Variants in SH3GLB2 observed in about 807,000 individuals in gnomAD.
The protein encoded by SH3GLB2 is endophilin-B2.
Under a neutral mutation model 48.0 loss-of-function variants are expected in SH3GLB2, and 24 were observed. The ratio of observed to expected loss-of-function variants is 0.50; its 90% confidence interval spans 0.36 to 0.70. The LOEUF is 0.70. SH3GLB2 is among the 30% of genes least tolerant of loss of function. The pLI is 0.00. For missense variants in SH3GLB2, 425 were observed against 516.0 expected (o/e 0.82, Z 1.71); for synonymous variants, 227 against 207.6 (o/e 1.09, Z -0.80).
rs59094552 is a variant in SH3GLB2 at position 129,014,620 on chromosome 9, G to C, written c.469-117C>G. 6.7e-7 allele frequency: 1 copy of C among 1,484,110 alleles called. No individual in the cohort carries two copies. The highest frequency in any genetic ancestry group is 1.4e-5 in the African/African-American group (1 of 71,714). 91.9% of individuals were successfully genotyped at this position (1,484,110 alleles called of 1,614,324 possible). ...GTCAAGATAGGGAAACTGAGGCCCAGAGATAGGAGGTCACTCAGTCCAAAG... is the reference window on the plus strand; with the variant it reads ...GTCAAGATAGGGAAACTGAGGCCCACAGATAGGAGGTCACTCAGTCCAAAG... On this transcript the variant is annotated intron_variant, in intron 4 of 10. Transcript: ENST00000372564. This position sits in a 1 kb window ranked among gnomAD's most constrained non-coding sequence, Gnocchi z 4.1.
In SH3GLB2 at chr9:129,014,743, G is replaced by C. The variant is rs746464069; in HGVS notation, c.468+28C>G. 1 of 1,602,934 alleles carries C rather than the reference G, an allele frequency of 6.2e-7. No homozygotes were observed. The highest frequency in any genetic ancestry group is 8.5e-7 in the Non-Finnish European group (1 of 1,175,254). ...GAGGAGGGAACTGCCATGGTTACCA[G>C]GAAGCGGAATAGTCCCAGGGCCCTC... is the stretch of plus-strand genomic sequence containing the variant. On this transcript the variant is annotated intron_variant, in intron 4 of 10. Coordinates refer to ENST00000372564, the MANE Select transcript of SH3GLB2 (RefSeq NM_020145.4). This position sits in a 1 kb window ranked among gnomAD's most constrained non-coding sequence, Gnocchi z 4.1.
In SH3GLB2 at chr9:129,028,128, C is replaced by T. The variant is rs761709574; in HGVS notation, c.27G>A (p.Ala9=). Residue 9 remains alanine, a synonymous_variant, in exon 1 of 11, where the codon GCG becomes GCA. Coordinates refer to ENST00000372564, the MANE Select transcript of SH3GLB2 (RefSeq NM_020145.4). MDFNMKKL[A]SDAGIFFTRA... ...GGGTGAAGAAGATGCCCGCGTCCGA[C>T]GCCAGCTTCTTCATGTTGAAGTCCA... 12 of 1,496,596 alleles carry T rather than the reference C, an allele frequency of 8.0e-6. No homozygotes were observed. Among genetic ancestry groups the T allele is most frequent in the African/African-American group, 1.5e-5 (1 of 68,330 alleles). 92.7% of individuals were successfully genotyped at this position (1,496,596 alleles called of 1,614,324 possible). A position where few individuals can be genotyped will look rare whatever the true frequency, so the allele number is the denominator to read the frequency against.
chr9:129,014,928 G>A lies in SH3GLB2; in HGVS notation c.335-24C>T, dbSNP rs1271694840. 1.9e-6 allele frequency: 3 copies of A among 1,607,486 alleles called. No individual in the cohort carries two copies. In the African/African-American group the frequency reaches 4.0e-5, roughly 22 times the overall value. On this transcript the variant is annotated intron_variant, in intron 3 of 10. Transcript: ENST00000372564. The surrounding 1 kb of genome is among the most constrained non-coding windows in gnomAD (Gnocchi z 4.1). ...CCCTGAGAAAACAGAGTTGAAGCGT[G>A]AGGAAGAAGGTCAGGCTCAGGCTAC...
chr9:129,016,561 G>A (rs1182553356), intron 3 of SH3GLB2, among the ~76,000 whole-genome samples: 1 of 151,734 alleles, frequency 6.6e-6, no homozygotes, highest in East Asian at 1.9e-4. Context: ...AGGAGGCTGA[G>A]GTAGGATAAT....
chr9:129,014,463 T>A lies in SH3GLB2; in HGVS notation c.509A>T (p.Asp170Val). 1 of 1,550,860 alleles carries A rather than the reference T, an allele frequency of 6.4e-7. No homozygotes were observed. Among genetic ancestry groups the A allele is most frequent in the Non-Finnish European group, 8.7e-7 (1 of 1,147,094 alleles). Reference protein sequence around the residue: ...RLLQNRRLDLDACKARLKKAK... With the variant: ...RLLQNRRLDLVACKARLKKAK... ...CTTCTTCAGCCTCGCTTTGCAGGCA[T>A]CCAAGTCCAGACGCCGGTTTTGGAG... Residue 170 changes from aspartate (D) to valine (V), a missense_variant, in exon 5 of 11, where the codon GAT (aspartate) becomes GTT (valine). Transcript: ENST00000372564. This position sits in a 1 kb window ranked among gnomAD's most constrained non-coding sequence, Gnocchi z 4.1.
At position 129,014,346 on chromosome 9, in the gene SH3GLB2, G is replaced by T; in HGVS notation, c.561+65C>A. ...CATGCCAAATACCAGGTCCCTTCATGCCACCACCCCTTGGCTCCAGCCAGA... is the reference window on the plus strand; with the variant it reads ...CATGCCAAATACCAGGTCCCTTCATTCCACCACCCCTTGGCTCCAGCCAGA... On this transcript the variant is annotated intron_variant, in intron 5 of 10. Coordinates refer to ENST00000372564, the MANE Select transcript of SH3GLB2 (RefSeq NM_020145.4). The surrounding 1 kb of genome is among the most constrained non-coding windows in gnomAD (Gnocchi z 4.1). 1 of 1,453,832 alleles carries T rather than the reference G, an allele frequency of 6.9e-7. No individual in the cohort carries two copies. The highest frequency in any genetic ancestry group is 9.4e-7 in the Non-Finnish European group (1 of 1,064,756). 90.1% of individuals were successfully genotyped at this position (1,453,832 alleles called of 1,614,324 possible). A position where few individuals can be genotyped will look rare whatever the true frequency, so the allele number is the denominator to read the frequency against.
intron 3 of SH3GLB2, among the ~76,000 whole-genome samples, chr9:129,019,414 A>ATT (rs1843640530): frequency 6.6e-6 from 1 of 151,208 alleles, no homozygotes; most frequent in East Asian, 1.9e-4. Flanking sequence ...AATAAAAAAT[A>ATT]AATAAGTTTG....
At position 129,012,841 on chromosome 9, in the gene SH3GLB2, G is replaced by A. The variant is rs936339270; in HGVS notation, c.562-543C>T. The A allele has an allele frequency of 2.2e-5, 17 of 761,270 alleles. No homozygotes were observed. The South Asian group carries it at 2.3e-4, about 10-fold the overall frequency. 47.2% of individuals were successfully genotyped at this position (761,270 alleles called of 1,614,324 possible). On this transcript the variant is annotated intron_variant, in intron 5 of 10. Transcript: ENST00000372564. ...AAAAAGCTGACTCACAGGCCCCAAC[G>A]CCTGGCATCCCCCCCTAAACCAGAG...
At chr9:129,024,667 A>G (rs1844034112) in intron 1 of SH3GLB2, among the ~76,000 whole-genome samples, 1 of 151,674 alleles carries the variant, frequency 6.6e-6, no homozygotes. Flanking sequence ...AGCCAATATC[A>G]TGTCACTGCA....
At chr9:129,015,734 T>C in intron 3 of SH3GLB2, 1 of 199,748 alleles carries the variant, frequency 5.0e-6, no homozygotes, top group Non-Finnish European at 1.1e-5. Flanking sequence ...GCGCGCTGGC[T>C]CACACCTGTA....
At chr9:129,023,787 G>C (rs1843964956) in intron 1 of SH3GLB2, among the ~76,000 whole-genome samples, 1 of 152,156 alleles carries the variant, frequency 6.6e-6, no homozygotes, top group Admixed American at 6.5e-5. Flanking sequence ...CCAGGGGTAT[G>C]GCCTCAGCTC....
intron 1 of SH3GLB2, among the ~76,000 whole-genome samples, chr9:129,025,611 G>GAGGGAGGAAGGAAGGAAGGAAGGAAGGA (rs1844108152): frequency 8.3e-6 from 1 of 120,036 alleles, no homozygotes; most frequent in African/African-American, 3.4e-5. Context: ...GGGACTAAGG[G>GAGGGAGGAAGGAAGGAAGGAAGGAAGGA]AGGAAGGAAG....
At chr9:129,010,974 T>C (rs1198512695) in intron 6 of SH3GLB2, 1 of 507,898 alleles carries the variant, frequency 2.0e-6, no homozygotes, top group African/African-American at 1.9e-5. Context: ...GAGTGGGGTC[T>C]CAAGAGAGAC....
chr9:129,015,006 G>A, intron 3 of SH3GLB2, 102 bp from the exon 4 acceptor site: 1 of 1,462,742 alleles, frequency 6.8e-7, no homozygotes, highest in Admixed American at 2.1e-5. Flanking sequence ...CAAGGGCCGG[G>A]GTGCTCAGTG....
chr9:129,023,220 G>T (rs1397595387), intron 1 of SH3GLB2, among the ~76,000 whole-genome samples: 2 of 152,290 alleles, frequency 1.3e-5, no homozygotes, highest in East Asian at 3.9e-4. Context: ...TGGCCACCTG[G>T]TAGGGTAGAT....
chr9:129,028,196 G>C lies in SH3GLB2; in HGVS notation c.-42C>G. On this transcript the variant is annotated 5_prime_UTR_variant, in exon 1 of 11. Transcript: ENST00000372564. ...CGCCGCGCACGGCCCGAGCGCAGCC[G>C]GCAGCCCCCGGCCCAGCCGCCGCCG... is the stretch of plus-strand genomic sequence containing the variant. The C allele has an allele frequency of 8.1e-7, 1 of 1,239,250 alleles. No individual in the cohort carries two copies. The highest frequency in any genetic ancestry group is 1.0e-6 in the Non-Finnish European group (1 of 988,230). 76.8% of individuals were successfully genotyped at this position (1,239,250 alleles called of 1,614,324 possible).
At chr9:129,017,750 T>C (rs1487499071) in intron 3 of SH3GLB2, among the ~76,000 whole-genome samples, 1 of 151,082 alleles carries the variant, frequency 6.6e-6, no homozygotes, top group Admixed American at 6.6e-5. Flanking sequence ...AAAAAAAAAT[T>C]AGCCTGGCAT....
At chr9:129,010,775 C>G in intron 6 of SH3GLB2, 82 bp from the exon 7 acceptor site, 1 of 1,560,356 alleles carries the variant, frequency 6.4e-7, no homozygotes, top group South Asian at 1.1e-5. Flanking sequence ...CCTGCCCCAG[C>G]TCCCAGACTC....
intron 2 of SH3GLB2, among the ~76,000 whole-genome samples, chr9:129,021,859 T>C (rs903481201): frequency 6.7e-5 from 10 of 150,088 alleles, no homozygotes; most frequent in African/African-American, 2.2e-4. Context: ...TTCAGGAGGC[T>C]GAGGCAGGAG....
Sources: gnomAD v4.1 joint callset for allele counts (sites outside exome capture counted in the v4.1 genomes callset) on GRCh38, gnomAD v4.1.1 for gene constraint, Gnocchi (gnomAD v3.1) non-coding constraint, MANE v1.5 for transcripts, NCBI Gene and HGNC (gene_info 2026-07-23, HGNC 2026-07-21) for gene names.